The following DNAH7 variants were observed in gnomAD, a reference collection of about 807,000 sequenced individuals.
The protein encoded by DNAH7 is axonemal beta dynein heavy chain 7.
DNAH7 carries 397 observed loss-of-function variants against 444.6 expected under a neutral mutation model. The ratio of observed to expected loss-of-function variants is 0.89; its 90% CI spans 0.82 to 0.97. The LOEUF (loss-of-function observed/expected upper bound fraction) is 0.97, where lower values mean the gene tolerates loss of function less well. DNAH7 is among the 50% of genes least tolerant of loss of function. The pLI, the probability that DNAH7 is intolerant of heterozygous loss-of-function variation, is 0.00. For synonymous variants in DNAH7, 1,636 were observed against 1,624.4 expected (o/e 1.01, Z -0.17); for missense variants, 4,902 against 4,800.8 (o/e 1.02, Z -0.62).
chr2:196,047,564 T>C (rs1697215765), intron 4 of DNAH7, 65 bp from the exon 5 acceptor site: 2 of 1,300,122 alleles, frequency 1.5e-6, no homozygotes, highest in East Asian at 5.1e-5. Flanking sequence ...GCATTTCACA[T>C]GCTTAAAATA....
chr2:196,004,955 C>A (rs1329263193), intron 10 of DNAH7, among the ~76,000 whole-genome samples: 1 of 111,552 alleles, frequency 9.0e-6, no homozygotes, highest in African/African-American at 4.0e-5. Flanking sequence ...AGCATGAGGC[C>A]TTGTGTCAAA....
chr2:195,993,151 G>A (rs772544920), intron 12 of DNAH7, among the ~76,000 whole-genome samples: 11 of 152,170 alleles, frequency 7.2e-5, no homozygotes, highest in Non-Finnish European at 1.5e-4. Context: ...CCTTGGGACT[G>A]TTACATCATT....
At chr2:195,817,263 T>TC (rs1267192027) in intron 50 of DNAH7, among the ~76,000 whole-genome samples, 1 of 152,180 alleles carries the variant, frequency 6.6e-6, no homozygotes, top group Non-Finnish European at 1.5e-5. Context: ...AAAGTAGCAC[T>TC]CCATTTATTT....
At chr2:195,940,138 G>C (rs1689324318) in intron 19 of DNAH7, among the ~76,000 whole-genome samples, 1 of 152,156 alleles carries the variant, frequency 6.6e-6, no homozygotes, top group Non-Finnish European at 1.5e-5. Flanking sequence ...CAAGGCTACA[G>C]TAACCAAAAC....
rs1303453411 is a variant in DNAH7 at position 195,799,389 on chromosome 2, T to G, written c.10260A>C (p.Ala3420=). 1 of 1,612,296 alleles carries G rather than the reference T, an allele frequency of 6.2e-7. No homozygotes were observed. The highest frequency in any genetic ancestry group is 1.7e-5 in the Admixed American group (1 of 59,778). ...IEPPPFDLAK[A]FGDSNCCAPL... is the part of the protein sequence containing the mutation. ...GTGCACAGCAGTTACTGTCTCCAAA[T>G]GCCTTGGCTAAATCAAAGGGGGGTG... Residue 3420 remains alanine, a synonymous_variant, in exon 55 of 65, where the codon GCA becomes GCC. Coordinates refer to ENST00000312428, the MANE Select transcript of DNAH7 (RefSeq NM_018897.3).
intron 10 of DNAH7, among the ~76,000 whole-genome samples, chr2:196,011,110 G>C (rs557845089): frequency 3.3e-5 from 5 of 152,108 alleles, no homozygotes; most frequent in African/African-American, 1.2e-4. Flanking sequence ...TGTGACTATA[G>C]TTAACAAGAA....
rs376110704 is a variant in DNAH7 at position 195,886,206 on chromosome 2, C to T, written c.5473G>A (p.Asp1825Asn). 9 of 1,613,854 alleles carry T rather than the reference C, an allele frequency of 5.6e-6. No homozygotes were observed. Among genetic ancestry groups the T allele is most frequent in the Non-Finnish European group, 7.6e-6 (9 of 1,179,872 alleles). ...SLMNLIDCFM[D>N]DFADEVKLKE... ...AGTTTGACTTCATCAGCAAAATCAT[C>T]CATAAAACAGTCTATTAGATTCATT... Residue 1825 changes from aspartate (D) to asparagine (N), a missense_variant, in exon 34 of 65, where the codon GAT (aspartate) becomes AAT (asparagine). Coordinates refer to ENST00000312428, the MANE Select transcript of DNAH7 (RefSeq NM_018897.3).
At chr2:195,850,814 A>T (rs761963137) in intron 46 of DNAH7, among the ~76,000 whole-genome samples, 5 of 152,082 alleles carry the variant, frequency 3.3e-5, no homozygotes, top group Non-Finnish European at 7.4e-5. Context: ...GACAAGGAGG[A>T]GTAGAAGCCA....
chr2:195,977,082 G>A (rs1433613702), intron 15 of DNAH7, among the ~76,000 whole-genome samples: 1 of 152,084 alleles, frequency 6.6e-6, no homozygotes. Flanking sequence ...TCAAGGCCCA[G>A]ATACCAATGA....
intron 35 of DNAH7, among the ~76,000 whole-genome samples, chr2:195,883,499 T>G (rs1361091320): frequency 6.8e-6 from 1 of 147,690 alleles, no homozygotes; most frequent in African/African-American, 2.5e-5. Flanking sequence ...TGTACTGTTA[T>G]TTAGAGGTTG....
At chr2:195,854,026 C>T (rs1699554196) in intron 45 of DNAH7, among the ~76,000 whole-genome samples, 1 of 152,138 alleles carries the variant, frequency 6.6e-6, no homozygotes, top group South Asian at 2.1e-4. Context: ...CAGGCACTTG[C>T]AATTCAGCTT....
At chr2:195,933,368 A>C (rs1688831047) in intron 21 of DNAH7, among the ~76,000 whole-genome samples, 1 of 152,168 alleles carries the variant, frequency 6.6e-6, no homozygotes, top group African/African-American at 2.4e-5. Context: ...AGAACTAGAA[A>C]TACCATTTGA....
intron 17 of DNAH7, among the ~76,000 whole-genome samples, chr2:195,967,798 A>G (rs1469297618): frequency 6.6e-6 from 1 of 152,026 alleles, no homozygotes; most frequent in African/African-American, 2.4e-5. Context: ...TGGAAGTTTG[A>G]TTATTAAATG....
At chr2:195,925,935 T>C (rs1190999962) in intron 22 of DNAH7, among the ~76,000 whole-genome samples, 1 of 152,134 alleles carries the variant, frequency 6.6e-6, no homozygotes, top group African/African-American at 2.4e-5. Flanking sequence ...TTAGAATGTT[T>C]ACATATTTAA....
At chr2:195,812,879 T>A (rs185707759) in intron 51 of DNAH7, among the ~76,000 whole-genome samples, 197 of 152,338 alleles carry the variant, frequency 1.3e-3, no homozygotes, top group Admixed American at 3.0e-3. Context: ...CTGTGAGAAC[T>A]CATTCTCTTT....
Position 195,985,044 on chromosome 2 carries a change from G to A in DNAH7, c.1755-334C>T, listed in dbSNP as rs147145116. The stretch of plus-strand genomic sequence containing the variant: ...CTTTAAGGGCTCTAAGAGAGATTTA[G>A]TTGAGATGGCACAAAGAAAGTAGTA... On this transcript the variant is annotated intron_variant, in intron 14 of 64. Coordinates refer to ENST00000312428, the MANE Select transcript of DNAH7 (RefSeq NM_018897.3). Among the ~76,000 whole-genome samples, 473 of 152,260 alleles carry A rather than the reference G, an allele frequency of 3.1e-3. 3 individuals carry two copies. The highest frequency in any genetic ancestry group is 0.011 in the African/African-American group (454 of 41,544).
intron 61 of DNAH7, among the ~76,000 whole-genome samples, chr2:195,770,756 C>G (rs898723743): frequency 1.3e-5 from 2 of 152,046 alleles, no homozygotes; most frequent in African/African-American, 4.8e-5. Flanking sequence ...CAGGGTCTCA[C>G]TCTGTTGCCT....
intron 41 of DNAH7, among the ~76,000 whole-genome samples, chr2:195,862,275 C>G (rs779915870): frequency 3.9e-5 from 6 of 152,166 alleles, no homozygotes. Context: ...GGTATTATCT[C>G]ATTTAATTCT....
chr2:196,014,279 G>A (rs1284534041), intron 9 of DNAH7, among the ~76,000 whole-genome samples: 2 of 152,110 alleles, frequency 1.3e-5, no homozygotes, highest in African/African-American at 2.4e-5. Flanking sequence ...CTATGCATTA[G>A]CTTCAATTTG....
Sources: gnomAD v4.1 joint callset for allele counts (sites outside exome capture counted in the v4.1 genomes callset) on GRCh38, gnomAD v4.1.1 for gene constraint, MANE v1.5 for transcripts, NCBI Gene and HGNC (gene_info 2026-07-23, HGNC 2026-07-21) for gene names.